Variants in NFIA observed in about 807,000 individuals in gnomAD.
The protein encoded by NFIA is nuclear factor I A.
A neutral mutation model predicts 62.8 loss-of-function variants in NFIA; 8 were observed. That is an observed-to-expected ratio of 0.13 (90% CI 0.07 to 0.23). NFIA has a LOEUF of 0.23. Among genes scored for constraint, NFIA ranks in the 10% least tolerant of loss-of-function variants. The pLI, the probability that NFIA is intolerant of heterozygous loss-of-function variation, is 1.00. For synonymous variants in NFIA, 235 were observed against 238.1 expected, an observed-to-expected ratio of 0.99 and a Z score of 0.12; for missense variants, 410 against 642.1, an observed-to-expected ratio of 0.64 and a Z score of 3.91.
intron 2 of NFIA, among the ~76,000 whole-genome samples, chr1:61,240,825 A>G (rs1028306972): frequency 6.6e-6 from 1 of 152,178 alleles, no homozygotes; most frequent in Non-Finnish European, 1.5e-5. Context: ...ATTTTCAAGG[A>G]CAGAACTTAT....
intron 3 of NFIA, among the ~76,000 whole-genome samples, chr1:61,302,348 C>T (rs555049678): frequency 1.1e-4 from 17 of 152,256 alleles, no homozygotes; most frequent in African/African-American, 3.9e-4. Flanking sequence ...ATAGCTAATT[C>T]ATAGCTACAG....
chr1:61,222,605 A>G (rs906176788), intron 2 of NFIA, among the ~76,000 whole-genome samples: 2 of 152,112 alleles, frequency 1.3e-5, no homozygotes, highest in African/African-American at 4.8e-5. Context: ...ATGGGTATTT[A>G]GAGTCAGTAC....
At chr1:61,427,932 A>G (rs1374843964) in intron 10 of NFIA, among the ~76,000 whole-genome samples, 1 of 152,240 alleles carries the variant, frequency 6.6e-6, no homozygotes, top group Non-Finnish European at 1.5e-5. Flanking sequence ...TTGAAGTTGC[A>G]TAATTACCTG....
At chr1:61,322,512 A>C (rs566953686) in intron 3 of NFIA, among the ~76,000 whole-genome samples, 41 of 152,208 alleles carry the variant, frequency 2.7e-4, no homozygotes, top group Admixed American at 2.7e-3. Flanking sequence ...GCTCATAAAA[A>C]GGGGTAGAGA....
At chr1:61,108,817 A>G (rs540974191) in intron 2 of NFIA, among the ~76,000 whole-genome samples, 1 of 151,938 alleles carries the variant, frequency 6.6e-6, no homozygotes, top group South Asian at 2.1e-4. Flanking sequence ...ATATGCTACC[A>G]TAATTGAAAC....
intron 2 of NFIA, among the ~76,000 whole-genome samples, chr1:61,126,462 A>ACACACACACACACTCT (rs1553153083): frequency 4.1e-4 from 60 of 145,928 alleles, no homozygotes; most frequent in Middle Eastern, 7.1e-3. Context: ...ACACACACAC[A>ACACACACACACACTCT]CACACACACA....
chr1:61,079,107 C>T (rs1646066004), upstream of NFIA, among the ~76,000 whole-genome samples: 1 of 152,208 alleles, frequency 6.6e-6, no homozygotes, highest in South Asian at 2.1e-4. Flanking sequence ...TAAGAATTCA[C>T]TTGGACACTC....
intron 10 of NFIA, among the ~76,000 whole-genome samples, chr1:61,451,068 GCTCT>G (rs1357579539): frequency 1.3e-5 from 2 of 152,136 alleles, no homozygotes; most frequent in Non-Finnish European, 2.9e-5. Flanking sequence ...TGTTCTGATT[GCTCT>G]CTGTGAGGCG....
At chr1:61,144,399 C>T (rs1647776152) in intron 2 of NFIA, among the ~76,000 whole-genome samples, 1 of 152,196 alleles carries the variant, frequency 6.6e-6, no homozygotes. Flanking sequence ...CTGATTCATT[C>T]CCAGACTACC....
At chr1:61,333,595 T>G (rs958223591) in intron 4 of NFIA, among the ~76,000 whole-genome samples, 15 of 152,220 alleles carry the variant, frequency 9.9e-5, no homozygotes, top group Admixed American at 9.2e-4. Flanking sequence ...GTCGTAGGCC[T>G]TAGTGTAAGG....
chr1:61,451,086 G>A (rs1006491675), intron 10 of NFIA, among the ~76,000 whole-genome samples: 5 of 152,130 alleles, frequency 3.3e-5, no homozygotes, highest in Non-Finnish European at 5.9e-5. Context: ...TGAGGCGTAC[G>A]AAATGGAAGA....
In NFIA at chr1:61,458,734, T is replaced by A. The variant is rs1158457516; in HGVS notation, c.*3414T>A. 3 of 151,512 alleles carry A rather than the reference T, an allele frequency of 2.0e-5. No individual in the cohort carries two copies. In the East Asian group the frequency reaches 5.8e-4, roughly 29 times the overall value. The allele number at this position is 151,512 out of a possible 1,614,324, so 9.4% of individuals were successfully genotyped here. On this transcript the variant is annotated 3_prime_UTR_variant, in exon 11 of 11. Transcript: ENST00000403491. Reference sequence around the variant, plus strand: ...GTATTTAAATACAATTATTTTTTTCTCTCAATGGTATAGCATATTCCTATG... The same window carrying A: ...GTATTTAAATACAATTATTTTTTTCACTCAATGGTATAGCATATTCCTATG...
At chr1:61,188,632 T>C (rs1319179665) in intron 2 of NFIA, among the ~76,000 whole-genome samples, 2 of 152,232 alleles carry the variant, frequency 1.3e-5, no homozygotes, top group African/African-American at 4.8e-5. Flanking sequence ...CATCGTCATC[T>C]TTTAGCTGAA....
intron 2 of NFIA, among the ~76,000 whole-genome samples, chr1:61,222,236 G>T (rs538751902): frequency 6.6e-6 from 1 of 152,196 alleles, no homozygotes; most frequent in South Asian, 2.1e-4. Context: ...CACCTTTAAA[G>T]AATATTCTCA....
chr1:61,161,247 C>T (rs878855934), intron 2 of NFIA, among the ~76,000 whole-genome samples: 4 of 152,134 alleles, frequency 2.6e-5, no homozygotes, highest in Admixed American at 1.3e-4. Context: ...TTTACGGTTA[C>T]GTTTCCTTTA....
chr1:61,453,441 A>G (rs1668152714), intron 10 of NFIA, among the ~76,000 whole-genome samples: 1 of 142,212 alleles, frequency 7.0e-6, no homozygotes, highest in Non-Finnish European at 1.5e-5. Flanking sequence ...TGTGTGAAGA[A>G]ACTTTTTTTT....
At chr1:61,341,287 G>T (rs186725526) in intron 4 of NFIA, among the ~76,000 whole-genome samples, 2 of 151,714 alleles carry the variant, frequency 1.3e-5, no homozygotes, top group Non-Finnish European at 2.9e-5. Context: ...TCCTGACCTC[G>T]TGATCCGCCC....
At chr1:61,412,150 A>G (rs1387168528) in intron 9 of NFIA, among the ~76,000 whole-genome samples, 3 of 152,194 alleles carry the variant, frequency 2.0e-5, no homozygotes, top group African/African-American at 4.8e-5. Flanking sequence ...AATAAATAAA[A>G]TGAGCGTCTT....
intron 2 of NFIA, among the ~76,000 whole-genome samples, chr1:61,227,536 C>G (rs1397246015): frequency 6.6e-6 from 1 of 152,092 alleles, no homozygotes; most frequent in Admixed American, 6.6e-5. Context: ...CCTTGTTTCC[C>G]TTTTTGCCTT....
Sources: allele counts gnomAD v4.1 joint callset (sites outside exome capture counted in the v4.1 genomes callset), GRCh38; gene constraint gnomAD v4.1.1; transcripts MANE v1.5; gene names NCBI Gene and HGNC (gene_info 2026-07-23, HGNC 2026-07-21).